The following AGT variants were observed in gnomAD, a reference collection of about 807,000 sequenced individuals.
AGT encodes alpha-1 antiproteinase, antitrypsin.
Under a neutral mutation model 28.1 loss-of-function variants are expected in AGT, and 26 were observed. The ratio of observed to expected loss-of-function variants is 0.92; its 90% CI spans 0.68 to 1.28. The LOEUF is 1.28. Among genes scored for constraint, AGT ranks in the 50% most tolerant of loss-of-function variants. The probability of loss-of-function intolerance (pLI) is 0.00; values close to 1 mark genes in which losing one functional copy is unlikely to be tolerated. For missense variants in AGT, 596 were observed against 592.3 expected (o/e 1.01, Z -0.06); for synonymous variants, 259 against 259.6 (o/e 1.00, Z 0.02).
intron 1 of AGT, among the ~76,000 whole-genome samples, chr1:230,733,176 A>G (rs1043969351): frequency 1.3e-5 from 2 of 152,058 alleles, no homozygotes. Flanking sequence ...CCAGCTACTC[A>G]GGAGGCTGAG....
At position 230,704,451 on chromosome 1, in the gene AGT, C is replaced by A. The variant is rs1926722; in HGVS notation, c.1098-114G>T. The stretch of plus-strand genomic sequence containing the variant: ...AACCCTGACGACAGGGATGTTTGCT[C>A]CCCCCATCACCCAACTAAGTCATCC... On this transcript the variant is annotated intron_variant, in intron 3 of 4. Transcript: ENST00000366667. The A allele has an allele frequency of 0.086, 115,890 of 1,341,308 alleles. 6,900 individuals are homozygous for A. The highest frequency in any genetic ancestry group is 0.33 in the East Asian group (13,131 of 39,940). 83.1% of individuals were successfully genotyped at this position (1,341,308 alleles called of 1,614,324 possible).
chr1:230,707,431 A>G (rs1258066053), intron 2 of AGT, among the ~76,000 whole-genome samples: 1 of 152,170 alleles, frequency 6.6e-6, no homozygotes, highest in Non-Finnish European at 1.5e-5. Context: ...CTCCCTTTGT[A>G]CTGAATTGGA....
At chr1:230,720,584 T>A (rs1177386561) in intron 1 of AGT, among the ~76,000 whole-genome samples, 3 of 152,224 alleles carry the variant, frequency 2.0e-5, no homozygotes. Flanking sequence ...ACTTAAATCC[T>A]TGGACCAGAT....
At chr1:230,742,333 T>A (rs1317373372) in intron 1 of AGT, among the ~76,000 whole-genome samples, 1 of 152,242 alleles carries the variant, frequency 6.6e-6, no homozygotes, top group African/African-American at 2.4e-5. Context: ...TTTTTCTTTT[T>A]GAGACAGAGT....
chr1:230,740,694 T>G (rs1664233017), intron 1 of AGT, among the ~76,000 whole-genome samples: 1 of 152,204 alleles, frequency 6.6e-6, no homozygotes, highest in African/African-American at 2.4e-5. Flanking sequence ...CTCACGCCTG[T>G]AATCCCAGCA....
At chr1:230,704,467 T>C in intron 3 of AGT, 130 bp from the exon 4 acceptor site, 1 of 1,228,458 alleles carries the variant, frequency 8.1e-7, no homozygotes, top group Non-Finnish European at 1.2e-6. Flanking sequence ...ATCACCCAAC[T>C]AAGTCATCCT....
intron 1 of AGT, among the ~76,000 whole-genome samples, chr1:230,732,350 A>G (rs1243292453): frequency 6.6e-6 from 1 of 151,950 alleles, no homozygotes; most frequent in Non-Finnish European, 1.5e-5. Context: ...ATTTCCACAC[A>G]TAGAACAGTG....
rs574440946 is a variant in AGT, at chr1:230,727,063, T to C, written c.-30-16210A>G. Among the ~76,000 whole-genome samples the C allele has an allele frequency of 9.8e-4, 150 of 152,290 alleles. 1 individual carries two copies. Among genetic ancestry groups the C allele is most frequent in the African/African-American group, 3.5e-3 (147 of 41,558 alleles). On this transcript the variant is annotated intron_variant, in intron 1 of 4. Coordinates refer to the AGT transcript ENST00000681269. ...ATCTCTGTTTTCTACACTGAGGATA[T>C]GAATGGTGGGATGTTCAGGGATGGT...
At position 230,744,912 on chromosome 1, in the gene AGT, T is replaced by C. The variant is rs17787493; in HGVS notation, c.-31+603A>G. 7.4e-3 allele frequency among the ~76,000 whole-genome samples: 1,126 copies of C among 152,338 alleles called. 5 individuals carry two copies. The highest frequency in any genetic ancestry group is 0.012 in the Admixed American group (186 of 15,294). ...GGATGCTCCCAGAGATCTGGGCTGGTAATCATTTCCCTGCCGAGGTGTCAC... is the reference window on the plus strand; with the variant it reads ...GGATGCTCCCAGAGATCTGGGCTGGCAATCATTTCCCTGCCGAGGTGTCAC... On this transcript the variant is annotated intron_variant, in intron 1 of 4. Coordinates refer to the AGT transcript ENST00000681269.
At chr1:230,732,465 A>T (rs1183398876) in intron 1 of AGT, among the ~76,000 whole-genome samples, 1 of 152,064 alleles carries the variant, frequency 6.6e-6, no homozygotes, top group Non-Finnish European at 1.5e-5. Context: ...TTGATCCTTG[A>T]ACAGCACTGG....
chr1:230,724,293 A>ACT (rs1207952646), intron 1 of AGT, among the ~76,000 whole-genome samples: 1 of 152,250 alleles, frequency 6.6e-6, no homozygotes, highest in East Asian at 1.9e-4. Flanking sequence ...CAGAGGAGTT[A>ACT]GCTATAGACT....
chr1:230,708,944 C>T (rs11568035), intron 2 of AGT, among the ~76,000 whole-genome samples: 1,858 of 152,328 alleles, frequency 0.012, 32 homozygotes, highest in African/African-American at 0.042. Flanking sequence ...TCATGCCAAG[C>T]CAACCGCCCC....
chr1:230,734,949 C>T (rs547695767), intron 1 of AGT, among the ~76,000 whole-genome samples: 28 of 151,982 alleles, frequency 1.8e-4, no homozygotes, highest in Non-Finnish European at 3.5e-4. Flanking sequence ...CTCCTGACCT[C>T]GTGATCTGCC....
intron 1 of AGT, among the ~76,000 whole-genome samples, chr1:230,738,334 C>T (rs1234935285): frequency 6.6e-6 from 1 of 152,176 alleles, no homozygotes; most frequent in African/African-American, 2.4e-5. Context: ...AAAAATTACC[C>T]ACGTTAAACA....
At chr1:230,734,646 C>T (rs1571987698) in intron 1 of AGT, among the ~76,000 whole-genome samples, 1 of 151,612 alleles carries the variant, frequency 6.6e-6, no homozygotes, top group African/African-American at 2.4e-5. Flanking sequence ...TCCCTATGTA[C>T]AAGGCAAGAC....
At chr1:230,724,829 C>A (rs958720039) in intron 1 of AGT, among the ~76,000 whole-genome samples, 1 of 152,040 alleles carries the variant, frequency 6.6e-6, no homozygotes, top group Non-Finnish European at 1.5e-5. Context: ...TTGTCACAAA[C>A]AAACAAACAA....
intron 1 of AGT, among the ~76,000 whole-genome samples, chr1:230,711,683 G>A (rs900503444): frequency 6.6e-5 from 10 of 152,008 alleles, no homozygotes; most frequent in East Asian, 5.8e-4. Context: ...TATTTCCCAC[G>A]TGTCTCAACC....
At chr1:230,724,106 A>T (rs568889509) in intron 1 of AGT, among the ~76,000 whole-genome samples, 1 of 152,344 alleles carries the variant, frequency 6.6e-6, no homozygotes, top group African/African-American at 2.4e-5. Context: ...TTATTGCAAC[A>T]CAGCCATGCT....
intron 1 of AGT, among the ~76,000 whole-genome samples, chr1:230,725,600 T>C (rs182009053): frequency 3.3e-5 from 5 of 152,336 alleles, no homozygotes; most frequent in African/African-American, 9.6e-5. Context: ...CGAAGCCCCA[T>C]AGTTGCAATG....
Sources: gnomAD v4.1 joint callset for allele counts (sites outside exome capture counted in the v4.1 genomes callset) on GRCh38, gnomAD v4.1.1 for gene constraint, MANE v1.5 for transcripts, NCBI Gene and HGNC (gene_info 2026-07-23, HGNC 2026-07-21) for gene names.